The following KCNQ1OT1 variants were observed in gnomAD, a reference collection of about 807,000 sequenced individuals.
The protein encoded by KCNQ1OT1 is KCNQ1 opposite strand/antisense transcript 1.
chr11:2,693,595 C>T, exon 1 of KCNQ1OT1: 1 of 398,690 alleles, frequency 2.5e-6, no homozygotes, highest in East Asian at 3.6e-5. Context: ...AATGAGGCCA[C>T]ATTTAAATTG....
chr11:2,670,896 G>A lies in KCNQ1OT1; in HGVS notation n.29099C>T. The stretch of plus-strand genomic sequence containing the variant: ...ACTGGGAAGCCTCCTGGATTGCCTG[G>A]ACAAGGCTGACCTGCCCTCCCAGGA... On this transcript the variant is annotated non_coding_transcript_exon_variant, in exon 1 of 1. Coordinates refer to ENST00000597346, the Ensembl canonical transcript of KCNQ1OT1. This position sits in a 1 kb window ranked among gnomAD's most constrained non-coding sequence, Gnocchi z 4.9. 1 of 398,628 alleles carries A rather than the reference G, an allele frequency of 2.5e-6. No individual in the cohort carries two copies. The highest frequency in any genetic ancestry group is 3.6e-5 in the East Asian group (1 of 28,072). The allele number at this position is 398,628 out of a possible 1,614,324, so 24.7% of individuals were successfully genotyped here.
Position 2,687,034 on chromosome 11 carries a change from C to T in KCNQ1OT1, n.12961G>A, listed in dbSNP as rs962163898. 2.8e-5 allele frequency: 11 copies of T among 398,544 alleles called. No homozygotes were observed. Among genetic ancestry groups the T allele is most frequent in the Admixed American group, 2.2e-4 (5 of 22,724 alleles). 24.7% of individuals were successfully genotyped at this position (398,544 alleles called of 1,614,324 possible). On this transcript the variant is annotated non_coding_transcript_exon_variant, in exon 1 of 1. Transcript: ENST00000597346. The surrounding 1 kb of genome is among the most constrained non-coding windows in gnomAD (Gnocchi z 5.0). The stretch of plus-strand genomic sequence containing the variant: ...GCAAGAGCTTAGGGCTAAAACTCAG[C>T]AGTCCCAGCTCTGGGGGACAAGGAC...
At position 2,669,473 on chromosome 11, in the gene KCNQ1OT1, A is replaced by G; in HGVS notation, n.30522T>C. On this transcript the variant is annotated non_coding_transcript_exon_variant, in exon 1 of 1. Coordinates refer to ENST00000597346, the Ensembl canonical transcript of KCNQ1OT1. The surrounding 1 kb of genome is among the most constrained non-coding windows in gnomAD (Gnocchi z 5.6). ...CCCTGTAGTTTTCAGTGTGGTGGTC[A>G]TGAACAGCTTGTCAGATTCATTCCT... is the stretch of plus-strand genomic sequence containing the variant. 1 of 398,648 alleles carries G rather than the reference A, an allele frequency of 2.5e-6. No individual in the cohort carries two copies. Among genetic ancestry groups the G allele is most frequent in the Non-Finnish European group, 4.4e-6 (1 of 226,086 alleles). The allele number at this position is 398,648 out of a possible 1,614,324, so 24.7% of individuals were successfully genotyped here.
exon 1 of KCNQ1OT1, chr11:2,693,582 A>G (rs1850624454): frequency 5.0e-6 from 2 of 398,556 alleles, no homozygotes; most frequent in Non-Finnish European, 8.8e-6. Flanking sequence ...GGATTCTTCC[A>G]TAAATGAGGC....
chr11:2,619,259 A>G (rs368892731), exon 1 of KCNQ1OT1: 1 of 398,504 alleles, frequency 2.5e-6, no homozygotes, highest in Non-Finnish European at 4.4e-6. Context: ...GTACTGGTTC[A>G]TAGTAGAAGG....
exon 1 of KCNQ1OT1, chr11:2,662,070 C>A (rs1311773840): frequency 6.2e-7 from 1 of 1,614,212 alleles, no homozygotes. Flanking sequence ...CACCCATCAC[C>A]CACATCTCAC....
exon 1 of KCNQ1OT1, chr11:2,665,898 G>A (rs1239592271): frequency 2.0e-5 from 8 of 398,534 alleles, no homozygotes; most frequent in African/African-American, 4.1e-5. Flanking sequence ...GTGTGGCCTG[G>A]GTGAGCTTCT....
chr11:2,666,774 C>T (rs1201466074), exon 1 of KCNQ1OT1: 6 of 398,652 alleles, frequency 1.5e-5, no homozygotes, highest in Non-Finnish European at 2.7e-5. Context: ...GTCTAAGCTC[C>T]TCACCATATT....
chr11:2,692,995 C>T (rs557233548), exon 1 of KCNQ1OT1: 1 of 398,624 alleles, frequency 2.5e-6, no homozygotes, highest in South Asian at 1.3e-4. Context: ...CCAGAAGCCT[C>T]ATAAGCAAGC....
At position 2,695,793 on chromosome 11, in the gene KCNQ1OT1, A is replaced by G. The variant is rs965906646; in HGVS notation, n.4202T>C. 2.5e-6 allele frequency: 1 copy of G among 398,608 alleles called. No homozygotes were observed. The highest frequency in any genetic ancestry group is 2.1e-5 in the African/African-American group (1 of 48,728). 24.7% of individuals were successfully genotyped at this position (398,608 alleles called of 1,614,324 possible). Reference sequence around the variant, plus strand: ...TATCCTACTTTCTAATGCTTCTCCTATGAAGAATAGCTGTTGCTTTCATTT... The same window carrying G: ...TATCCTACTTTCTAATGCTTCTCCTGTGAAGAATAGCTGTTGCTTTCATTT... On this transcript the variant is annotated non_coding_transcript_exon_variant, in exon 1 of 1. Transcript: ENST00000597346. The surrounding 1 kb of genome is among the most constrained non-coding windows in gnomAD (Gnocchi z 5.2).
Position 2,620,364 on chromosome 11 carries a change from G to A in KCNQ1OT1, n.79631C>T, listed in dbSNP as rs1324915006. ...CCTGAGTAGCTGGGATTAGAGGCATGCGCCACCACGTCCAGCTAATTTTGT... is the reference window on the plus strand; with the variant it reads ...CCTGAGTAGCTGGGATTAGAGGCATACGCCACCACGTCCAGCTAATTTTGT... On this transcript the variant is annotated non_coding_transcript_exon_variant, in exon 1 of 1. Transcript: ENST00000597346. This position sits in a 1 kb window ranked among gnomAD's most constrained non-coding sequence, Gnocchi z 4.5. The A allele has an allele frequency of 4.9e-6, 1 of 204,398 alleles. No homozygotes were observed. The highest frequency in any genetic ancestry group is 9.6e-6 in the Non-Finnish European group (1 of 104,088). 12.7% of individuals were successfully genotyped at this position (204,398 alleles called of 1,614,324 possible). A position where few individuals can be genotyped will look rare whatever the true frequency, so the allele number is the denominator to read the frequency against.
exon 1 of KCNQ1OT1, chr11:2,681,978 A>G (rs1175365173): frequency 7.5e-6 from 3 of 398,494 alleles, no homozygotes; most frequent in Non-Finnish European, 8.8e-6. Flanking sequence ...TGCCAGGCAA[A>G]TATAGACATC....
At chr11:2,614,471 A>G (rs1849028755) in exon 1 of KCNQ1OT1, 1 of 398,358 alleles carries the variant, frequency 2.5e-6, no homozygotes, top group South Asian at 1.3e-4. Flanking sequence ...CTCAAGTCAT[A>G]AAGATTTACT....
exon 1 of KCNQ1OT1, chr11:2,675,566 G>A (rs1439285969): frequency 1.5e-5 from 6 of 398,524 alleles, no homozygotes; most frequent in African/African-American, 6.2e-5. Context: ...TAAGACATAC[G>A]TAACAGTTTC....
Position 2,612,815 on chromosome 11 carries a change from G to C in KCNQ1OT1, n.87180C>G. The C allele has an allele frequency of 2.5e-6, 1 of 398,034 alleles. No homozygotes were observed. Among genetic ancestry groups the C allele is most frequent in the Non-Finnish European group, 4.4e-6 (1 of 225,914 alleles). 24.7% of individuals were successfully genotyped at this position (398,034 alleles called of 1,614,324 possible). Reference sequence around the variant, plus strand: ...TTTCTTTGCATATCTCATTTTTTTTGTTAAAAACTTACTTTAGATAATATA... The same window carrying C: ...TTTCTTTGCATATCTCATTTTTTTTCTTAAAAACTTACTTTAGATAATATA... On this transcript the variant is annotated non_coding_transcript_exon_variant, in exon 1 of 1. Coordinates refer to ENST00000597346, the Ensembl canonical transcript of KCNQ1OT1. This position sits in a 1 kb window ranked among gnomAD's most constrained non-coding sequence, Gnocchi z 5.5.
exon 1 of KCNQ1OT1, chr11:2,692,433 T>G: frequency 5.0e-6 from 2 of 398,674 alleles, no homozygotes. Context: ...CTTTCAAAGT[T>G]TAGAGACCTG....
rs907186095 is a variant in KCNQ1OT1, at chr11:2,678,065, T to C, written n.21930A>G. On this transcript the variant is annotated non_coding_transcript_exon_variant, in exon 1 of 1. Coordinates refer to ENST00000597346, the Ensembl canonical transcript of KCNQ1OT1. The surrounding 1 kb of genome is among the most constrained non-coding windows in gnomAD (Gnocchi z 4.9). ...CTATTTCTTCATACCCTTTGGACTT[T>C]GTAAAATACCTTGTCTTACTGATTT... is the stretch of plus-strand genomic sequence containing the variant. 6 of 398,480 alleles carry C rather than the reference T, an allele frequency of 1.5e-5. No homozygotes were observed. Among genetic ancestry groups the C allele is most frequent in the Non-Finnish European group, 2.7e-5 (6 of 225,980 alleles). 24.7% of individuals were successfully genotyped at this position (398,480 alleles called of 1,614,324 possible).
exon 1 of KCNQ1OT1, chr11:2,629,354 TTTTTA>T (rs1849314513): frequency 2.5e-6 from 1 of 398,398 alleles, no homozygotes; most frequent in South Asian, 1.3e-4. Flanking sequence ...ATTTCTCTAT[TTTTTA>T]TTTTATCTGT....
chr11:2,660,637 A>G, exon 1 of KCNQ1OT1: 1 of 398,668 alleles, frequency 2.5e-6, no homozygotes, highest in Non-Finnish European at 4.4e-6. Context: ...TTCAACACAG[A>G]TGGAAATAAC....
Sources: allele counts gnomAD v4.1 joint callset, GRCh38; gene constraint gnomAD v4.1.1; non-coding constraint Gnocchi (gnomAD v3.1); transcripts MANE v1.5; gene names NCBI Gene and HGNC (gene_info 2026-07-23, HGNC 2026-07-21).